The following DLGAP2 variants were observed in gnomAD, a reference collection of about 807,000 sequenced individuals.
DLGAP2 encodes DLG associated protein 2.
Under a neutral mutation model 100.3 loss-of-function variants are expected in DLGAP2, and 26 were observed. The observed-to-expected ratio is 0.26, with a 90% CI of 0.19 to 0.36. The LOEUF (loss-of-function observed/expected upper bound fraction) is 0.36, where lower values mean the gene tolerates loss of function less well. DLGAP2 is among the 10% of genes least tolerant of loss of function. DLGAP2 has a pLI of 1.00. For synonymous variants in DLGAP2, 886 were observed against 630.1 expected (o/e 1.41, Z -6.08); for missense variants, 1,858 against 1,453.2 (o/e 1.28, Z -4.53).
At position 974,292 on chromosome 8, in the gene DLGAP2, GA is replaced by G. The variant is rs570090191; in HGVS notation, c.73+66327del. On this transcript the variant is annotated intron_variant, in intron 2 of 14. Transcript: ENST00000637795. ...ACAGAAATAAAATGGCTCACGTACA[GA>G]GGGGTAAGGATAAGAATTACTTAAG... Among the ~76,000 whole-genome samples the G allele has an allele frequency of 3.2e-3, 485 of 152,324 alleles. 3 individuals carry two copies. Among genetic ancestry groups the G allele is most frequent in the African/African-American group, 0.011 (459 of 41,584 alleles).
chr8:1,318,723 C>A (rs12547482), intron 3 of DLGAP2, among the ~76,000 whole-genome samples: 1 of 151,546 alleles, frequency 6.6e-6, no homozygotes, highest in South Asian at 2.1e-4. Context: ...GGTTCCTATT[C>A]GTACTTAATA....
intron 3 of DLGAP2, among the ~76,000 whole-genome samples, chr8:1,497,480 C>T (rs141103203): frequency 6.6e-6 from 1 of 152,324 alleles, no homozygotes; most frequent in African/African-American, 2.4e-5. Flanking sequence ...CCCATCTTTC[C>T]AATGACTGGT....
intron 3 of DLGAP2, among the ~76,000 whole-genome samples, chr8:1,480,148 T>G (rs1168335601): frequency 6.6e-6 from 1 of 152,198 alleles, no homozygotes; most frequent in Non-Finnish European, 1.5e-5. Flanking sequence ...GCAGAGAGCC[T>G]TTAACCACCA....
intron 2 of DLGAP2, among the ~76,000 whole-genome samples, chr8:1,010,466 A>C (rs531633606): frequency 6.6e-6 from 1 of 152,344 alleles, no homozygotes; most frequent in East Asian, 1.9e-4. Context: ...ATATGTGTGC[A>C]CACATGTGCA....
chr8:1,577,657 G>T (rs889036016), intron 6 of DLGAP2, among the ~76,000 whole-genome samples: 1 of 151,858 alleles, frequency 6.6e-6, no homozygotes, highest in Non-Finnish European at 1.5e-5. Context: ...AAGAGGAAAG[G>T]CATCCCTGCT....
intron 2 of DLGAP2, chr8:1,250,518 G>C (rs1434859321): frequency 6.6e-6 from 1 of 152,164 alleles, no homozygotes; most frequent in Non-Finnish European, 1.5e-5. Flanking sequence ...CTGAGCATCC[G>C]TGCATCCGTC....
At chr8:1,698,458 T>C (rs1217551290) in intron 14 of DLGAP2, among the ~76,000 whole-genome samples, 2 of 148,330 alleles carry the variant, frequency 1.3e-5, no homozygotes, top group Non-Finnish European at 3.0e-5. Flanking sequence ...AAGCCATGCA[T>C]GGGACAGGTC....
At position 1,704,230 on chromosome 8, in the gene DLGAP2, C is replaced by T. The variant is rs1405173276; in HGVS notation, c.*2824C>T. ...TAACTTCAAGAAAAGAGTAAACATCCATTGGAGAACACGGCTGAAAATTAT... is the reference window on the plus strand; with the variant it reads ...TAACTTCAAGAAAAGAGTAAACATCTATTGGAGAACACGGCTGAAAATTAT... On this transcript the variant is annotated 3_prime_UTR_variant, in exon 15 of 15. Transcript: ENST00000637795. The T allele has an allele frequency of 6.6e-6, 1 of 152,292 alleles. No individual in the cohort carries two copies. The highest frequency in any genetic ancestry group is 1.5e-5 in the Non-Finnish European group (1 of 68,048). The allele number at this position is 152,292 out of a possible 1,614,324, so 9.4% of individuals were successfully genotyped here.
At chr8:987,052 G>A (rs1168390492) in intron 2 of DLGAP2, among the ~76,000 whole-genome samples, 1 of 152,162 alleles carries the variant, frequency 6.6e-6, no homozygotes, top group Non-Finnish European at 1.5e-5. Flanking sequence ...GTGAAATCAG[G>A]TTCGAATTTG....
intron 3 of DLGAP2, among the ~76,000 whole-genome samples, chr8:1,299,116 A>G (rs1359028682): frequency 1.3e-5 from 2 of 152,232 alleles, no homozygotes; most frequent in Non-Finnish European, 2.9e-5. Flanking sequence ...CTAAATGTGT[A>G]TGGTACAAAG....
chr8:1,049,855 T>C (rs1419170775), intron 2 of DLGAP2, among the ~76,000 whole-genome samples: 1 of 148,478 alleles, frequency 6.7e-6, no homozygotes, highest in African/African-American at 2.5e-5. Flanking sequence ...TGTGGATATG[T>C]GCACACGCAT....
At chr8:1,670,421 A>C in intron 10 of DLGAP2, among the ~76,000 whole-genome samples, 1 of 151,686 alleles carries the variant, frequency 6.6e-6, no homozygotes, top group African/African-American at 2.4e-5. Context: ...TCATCCCCCC[A>C]GCTTCCCCTG....
chr8:1,288,899 C>G (rs888762795), intron 3 of DLGAP2, among the ~76,000 whole-genome samples: 1 of 152,112 alleles, frequency 6.6e-6, no homozygotes, highest in Admixed American at 6.6e-5. Context: ...TTCAGTTGCT[C>G]GGCTTGTTTT....
At chr8:834,258 C>G (rs1796832648) in intron 1 of DLGAP2, among the ~76,000 whole-genome samples, 2 of 152,196 alleles carry the variant, frequency 1.3e-5, no homozygotes, top group Non-Finnish European at 2.9e-5. Flanking sequence ...ACGCCCCTGC[C>G]CCTCACGTGG....
intron 1 of DLGAP2, among the ~76,000 whole-genome samples, chr8:846,552 G>C (rs1406289625): frequency 1.3e-5 from 2 of 152,192 alleles, no homozygotes; most frequent in Admixed American, 1.3e-4. Flanking sequence ...TGACAGTTGG[G>C]TTGGTCCCAT....
intron 12 of DLGAP2, among the ~76,000 whole-genome samples, chr8:1,684,809 C>T (rs1799070331): frequency 6.6e-6 from 1 of 152,026 alleles, no homozygotes; most frequent in African/African-American, 2.4e-5. Flanking sequence ...CAAAAGAAAT[C>T]CTTCCCAAGC....
At chr8:1,135,741 C>T (rs143007067) in intron 2 of DLGAP2, among the ~76,000 whole-genome samples, 14 of 152,134 alleles carry the variant, frequency 9.2e-5, no homozygotes, top group African/African-American at 1.4e-4. Context: ...CTAAGCTTAC[C>T]GATGCAGAGG....
chr8:1,505,865 A>C (rs533424778), intron 4 of DLGAP2, among the ~76,000 whole-genome samples: 1 of 151,998 alleles, frequency 6.6e-6, no homozygotes, highest in South Asian at 2.1e-4. Context: ...AGAGTTGGTG[A>C]TTTATTTGCA....
At chr8:1,493,527 C>G (rs1005549478) in intron 3 of DLGAP2, among the ~76,000 whole-genome samples, 1 of 152,218 alleles carries the variant, frequency 6.6e-6, no homozygotes, top group Non-Finnish European at 1.5e-5. Flanking sequence ...AGGGAAGACC[C>G]AGAGACACAC....
Sources: allele counts gnomAD v4.1 joint callset (sites outside exome capture counted in the v4.1 genomes callset), GRCh38; gene constraint gnomAD v4.1.1; transcripts MANE v1.5; gene names NCBI Gene and HGNC (gene_info 2026-07-23, HGNC 2026-07-21).